Variants in ASAH1 observed in about 807,000 individuals in gnomAD.
The protein encoded by ASAH1 is acid ceramidase.
In ASAH1, 70 loss-of-function variants were observed where a neutral mutation model predicts 59.5. The observed-to-expected ratio is 1.18, with a 90% CI of 0.97 to 1.43. The LOEUF (loss-of-function observed/expected upper bound fraction) is 1.43, where lower values mean the gene tolerates loss of function less well. ASAH1 is among the 40% of genes most tolerant of loss of function. ASAH1 has a pLI of 0.00. For synonymous variants in ASAH1, 213 were observed against 166.5 expected (o/e 1.28, Z -2.15); for missense variants, 660 against 482.5 (o/e 1.37, Z -3.45).
chr8:18,067,838 G>A (rs1168685935), intron 4 of ASAH1: 1 of 152,222 alleles, frequency 6.6e-6, no homozygotes, highest in Non-Finnish European at 1.5e-5. Context: ...GAGACATTGA[G>A]CAAATTCAGT....
At chr8:18,058,726 G>T in intron 13 of ASAH1, 109 bp downstream of exon 13, 1 of 1,017,620 alleles carries the variant, frequency 9.8e-7, no homozygotes, top group Non-Finnish European at 1.5e-6. Flanking sequence ...TCAGTCCTAA[G>T]CTGAACACAC....
intron 13 of ASAH1, 48 bp downstream of exon 13, chr8:18,058,787 C>T: frequency 6.7e-7 from 1 of 1,503,288 alleles, no homozygotes; most frequent in Non-Finnish European, 9.3e-7. Context: ...AAACATAGGG[C>T]CAAATTCTTT....
rs767541845 is a variant in ASAH1, at chr8:18,063,181, T to A, written c.503+4A>T. The A allele has an allele frequency of 3.1e-6, 5 of 1,613,812 alleles. No homozygotes were observed. Among genetic ancestry groups the A allele is most frequent in the East Asian group, 4.5e-5 (2 of 44,874 alleles). On this transcript the variant is annotated splice_donor_region_variant and intron_variant, in intron 7 of 13. Coordinates refer to ENST00000637790, the MANE Select transcript of ASAH1 (RefSeq NM_177924.5). ...CCATGCCTGACCCTTTGTTCTTTAC[T>A]TACCCAAGAAATACTCCAAAATCCA...
At chr8:18,057,754 G>C (rs1799532553) in intron 13 of ASAH1, 131 bp from the exon 14 acceptor site, 3 of 432,248 alleles carry the variant, frequency 6.9e-6, no homozygotes, top group South Asian at 6.3e-5. Context: ...CTTAATATAT[G>C]CAAAGCATGT....
chr8:18,062,961 C>G, intron 7 of ASAH1: 1 of 505,712 alleles, frequency 2.0e-6, no homozygotes, highest in South Asian at 2.0e-5. Context: ...ACCTCCGCCT[C>G]GCAGGTTCAA....
At chr8:18,071,147 C>T (rs918496506) in intron 3 of ASAH1, among the ~76,000 whole-genome samples, 153 bp downstream of exon 3, 4 of 151,222 alleles carry the variant, frequency 2.6e-5, no homozygotes, top group African/African-American at 7.3e-5. Flanking sequence ...GCGGAGGTTG[C>T]GGCGAGCTGA....
At chr8:18,079,309 G>GAGT (rs2117091528) in intron 1 of ASAH1, among the ~76,000 whole-genome samples, 1 of 149,280 alleles carries the variant, frequency 6.7e-6, no homozygotes, top group South Asian at 2.1e-4. Flanking sequence ...TCTGGAAAGT[G>GAGT]CTTTTAAAAG....
upstream of ASAH1, chr8:18,084,420 A>G (rs752670851): frequency 3.4e-5 from 46 of 1,372,268 alleles, no homozygotes; most frequent in African/African-American, 2.9e-4. Flanking sequence ...TGGCGCCTCG[A>G]TGGGGCGCCT....
At chr8:18,080,847 C>T (rs905906692) in intron 1 of ASAH1, among the ~76,000 whole-genome samples, 2 of 152,194 alleles carry the variant, frequency 1.3e-5, no homozygotes, top group East Asian at 1.9e-4. Flanking sequence ...CATGAGCCAC[C>T]GCGCCCGGCC....
At chr8:18,077,446 GAA>G (rs1800452938) in intron 1 of ASAH1, among the ~76,000 whole-genome samples, 1 of 152,040 alleles carries the variant, frequency 6.6e-6, no homozygotes, top group Admixed American at 6.5e-5. Flanking sequence ...CAGCTTCTTC[GAA>G]AACATCCTCG....
chr8:18,057,951 A>G (rs901195484), intron 13 of ASAH1: 47 of 166,770 alleles, frequency 2.8e-4, no homozygotes, highest in Admixed American at 8.2e-4. Flanking sequence ...TCCACCCCCA[A>G]TGCTTTAAGA....
At chr8:18,083,857 A>AC (rs1482917179) in intron 1 of ASAH1, 124 bp downstream of exon 1, 1 of 1,515,162 alleles carries the variant, frequency 6.6e-7, no homozygotes, top group East Asian at 2.5e-5. Flanking sequence ...GAAACCACAG[A>AC]CCCCCGTAAA....
At chr8:18,083,880 C>T (rs910775305) in intron 1 of ASAH1, 101 bp downstream of exon 1, 52 of 1,530,826 alleles carry the variant, frequency 3.4e-5, no homozygotes, top group Non-Finnish European at 4.2e-5. Context: ...AGCTGCCCAG[C>T]ACGAGGTGTT....
chr8:18,083,836 C>A, intron 1 of ASAH1, 145 bp downstream of exon 1: 1 of 1,488,492 alleles, frequency 6.7e-7, no homozygotes. Flanking sequence ...TGCACCCACA[C>A]CCCTGTGCAC....
upstream of ASAH1, chr8:18,084,816 T>G (rs777527113): frequency 6.2e-7 from 1 of 1,612,736 alleles, no homozygotes; most frequent in South Asian, 1.1e-5. Context: ...CGGCTGTGTT[T>G]CCTCCTAACT....
chr8:18,078,198 G>A (rs1417029602), intron 1 of ASAH1, among the ~76,000 whole-genome samples: 1 of 152,146 alleles, frequency 6.6e-6, no homozygotes, highest in African/African-American at 2.4e-5. Flanking sequence ...ACATTTGCAC[G>A]CCCTGGGTTC....
intron 11 of ASAH1, 53 bp downstream of exon 11, chr8:18,059,519 A>C: frequency 6.2e-7 from 1 of 1,614,196 alleles, no homozygotes. Flanking sequence ...AACTCAAAGT[A>C]TATCAGTGTA....
Position 18,061,751 on chromosome 8 carries a change from G to A in ASAH1, c.649-11C>T, listed in dbSNP as rs747251091. 6.4e-7 allele frequency: 1 copy of A among 1,565,162 alleles called. No homozygotes were observed. Among genetic ancestry groups the A allele is most frequent in the Non-Finnish European group, 8.7e-7 (1 of 1,153,408 alleles). Reference sequence around the variant, plus strand: ...AAGACTGAACAGTCCCTGAGAAAAAGACAAAGCAACGAAGTCAGAAACATC... The same window carrying A: ...AAGACTGAACAGTCCCTGAGAAAAAAACAAAGCAACGAAGTCAGAAACATC... On this transcript the variant is annotated splice_polypyrimidine_tract_variant and intron_variant, in intron 8 of 13. Transcript: ENST00000637790.
At chr8:18,075,739 C>G in intron 1 of ASAH1, 152 bp from the exon 2 acceptor site, 1 of 684,340 alleles carries the variant, frequency 1.5e-6, no homozygotes, top group Non-Finnish European at 2.5e-6. Context: ...TCTTTTCTTT[C>G]CAAGAAAACT....
Sources: gnomAD v4.1 joint callset for allele counts (sites outside exome capture counted in the v4.1 genomes callset) on GRCh38, gnomAD v4.1.1 for gene constraint, MANE v1.5 for transcripts, NCBI Gene and HGNC (gene_info 2026-07-23, HGNC 2026-07-21) for gene names.